CTNNA2: variants seen among roughly 807,000 people sequenced by gnomAD.
CTNNA2 encodes catenin alpha 2.
CTNNA2 carries 42 observed loss-of-function variants against 101.0 expected under a neutral mutation model. That is an observed-to-expected ratio of 0.42 (90% CI 0.32 to 0.54). CTNNA2 has a LOEUF of 0.54. Ranked by LOEUF, CTNNA2 falls within the 20% of genes least tolerant of loss-of-function variation. The pLI is 0.14. For missense variants in CTNNA2, 871 were observed against 1,223.1 expected, an observed-to-expected ratio of 0.71 and a Z score of 4.29; for synonymous variants, 450 against 456.4, an observed-to-expected ratio of 0.99 and a Z score of 0.18.
chr2:79,218,353 T>TGTGTGTGTGTA (rs1305328019), intron 2 of CTNNA2, among the ~76,000 whole-genome samples: 1 of 30,172 alleles, frequency 3.3e-5, no homozygotes. Context: ...GTGTGTGTAT[T>TGTGTGTGTGTA]TTTTTTTTTT....
intron 1 of CTNNA2, among the ~76,000 whole-genome samples, chr2:79,524,461 T>C (rs1672290349): frequency 6.6e-6 from 1 of 151,602 alleles, no homozygotes; most frequent in Non-Finnish European, 1.5e-5. Flanking sequence ...CAAAAAAACG[T>C]GCCCTTGTGT....
intron 14 of CTNNA2, among the ~76,000 whole-genome samples, chr2:80,584,529 C>T (rs1375955210): frequency 6.6e-6 from 1 of 151,862 alleles, no homozygotes; most frequent in East Asian, 1.9e-4. Context: ...TGATCCTAGA[C>T]ATGACATAAT....
At chr2:80,547,137 G>A (rs1488741746) in intron 11 of CTNNA2, among the ~76,000 whole-genome samples, 9 of 152,232 alleles carry the variant, frequency 5.9e-5, no homozygotes, top group East Asian at 1.9e-4. Context: ...TTTCTTTTCC[G>A]GAAGAAACAT....
In CTNNA2 at chr2:80,313,764, A is replaced by T. The variant is rs1372582401; in HGVS notation, c.1057-79447A>T. 5.0e-6 allele frequency: 4 copies of T among 796,306 alleles called. No homozygotes were observed. In the African/African-American group the frequency reaches 6.9e-5, roughly 14 times the overall value. 49.3% of individuals were successfully genotyped at this position (796,306 alleles called of 1,614,324 possible). ...TGTGAGTACAAGGAATATAATTCTG[A>T]TGACTCCCTTGAACATGAATGGAGG... On this transcript the variant is annotated intron_variant, in intron 7 of 18. Coordinates refer to ENST00000402739, the MANE Select transcript of CTNNA2 (RefSeq NM_001282597.3).
chr2:79,634,384 T>C (rs1679880456), intron 1 of CTNNA2, among the ~76,000 whole-genome samples: 1 of 152,224 alleles, frequency 6.6e-6, no homozygotes, highest in African/African-American at 2.4e-5. Context: ...TTTTGGAGAA[T>C]GATCCTGTAC....
chr2:80,407,566 G>A (rs1679180353), intron 8 of CTNNA2, among the ~76,000 whole-genome samples: 1 of 152,200 alleles, frequency 6.6e-6, no homozygotes, highest in African/African-American at 2.4e-5. Context: ...CAAAATCTAT[G>A]TTACCTGGCC....
chr2:79,544,884 C>T (rs1479922818), intron 1 of CTNNA2, among the ~76,000 whole-genome samples: 2 of 152,140 alleles, frequency 1.3e-5, no homozygotes, highest in African/African-American at 4.8e-5. Context: ...AATCTTAAAA[C>T]TCCATTCAAA....
chr2:80,167,469 G>T (rs1704777985), intron 7 of CTNNA2, among the ~76,000 whole-genome samples: 1 of 152,112 alleles, frequency 6.6e-6, no homozygotes, highest in African/African-American at 2.4e-5. Flanking sequence ...TAACAGTTAT[G>T]CAATCTTTGG....
chr2:79,293,305 T>G (rs1675877629), intron 2 of CTNNA2: 1 of 152,176 alleles, frequency 6.6e-6, no homozygotes, highest in African/African-American at 2.4e-5. Context: ...TCATTCAGGA[T>G]GAGAAATGTT....
intron 3 of CTNNA2, among the ~76,000 whole-genome samples, chr2:79,798,560 C>CTTTTTTTTTTTTTTTTTT (rs34542700): frequency 8.1e-6 from 1 of 123,796 alleles, no homozygotes. Flanking sequence ...TATAATAAGA[C>CTTTTTTTTTTTTTTTTTT]TTTTTTTTTT....
At chr2:79,962,047 G>A (rs1689675094) in intron 7 of CTNNA2, among the ~76,000 whole-genome samples, 1 of 152,214 alleles carries the variant, frequency 6.6e-6, no homozygotes, top group Non-Finnish European at 1.5e-5. Context: ...CTCTTCGTCT[G>A]TTACTGCCAT....
At chr2:79,878,020 T>C (rs1683155338) in intron 6 of CTNNA2, among the ~76,000 whole-genome samples, 1 of 152,128 alleles carries the variant, frequency 6.6e-6, no homozygotes, top group African/African-American at 2.4e-5. Context: ...CCTGTGTCCA[T>C]GTGTTCTCAT....
intron 4 of CTNNA2, among the ~76,000 whole-genome samples, chr2:79,501,087 G>A (rs1410539164): frequency 6.6e-6 from 1 of 152,042 alleles, no homozygotes; most frequent in East Asian, 1.9e-4. Flanking sequence ...AAACAATAAG[G>A]TACTCTCCTT....
At chr2:79,673,297 GTT>G (rs1194571716) in intron 2 of CTNNA2, among the ~76,000 whole-genome samples, 1 of 151,628 alleles carries the variant, frequency 6.6e-6, no homozygotes. Context: ...AAACTTTTAG[GTT>G]TTTCTGGGGG....
intron 18 of CTNNA2, among the ~76,000 whole-genome samples, chr2:80,627,303 C>T (rs540321828): frequency 6.6e-6 from 1 of 152,312 alleles, no homozygotes; most frequent in East Asian, 1.9e-4. Context: ...CTGTCTTCCA[C>T]AATGGTTGAA....
intron 9 of CTNNA2, among the ~76,000 whole-genome samples, chr2:80,453,555 G>A (rs1412093242): frequency 1.3e-5 from 2 of 151,926 alleles, no homozygotes; most frequent in East Asian, 1.9e-4. Flanking sequence ...TTAGCTCCAC[G>A]AAAGCTGTTA....
chr2:80,264,335 C>T (rs935030761), intron 7 of CTNNA2, among the ~76,000 whole-genome samples: 37 of 152,144 alleles, frequency 2.4e-4, no homozygotes, highest in African/African-American at 6.3e-4. Flanking sequence ...TTTCCATAAA[C>T]GAGCCCAAAA....
intron 7 of CTNNA2, among the ~76,000 whole-genome samples, chr2:80,082,806 C>T (rs1179208087): frequency 1.3e-5 from 2 of 152,070 alleles, no homozygotes; most frequent in Admixed American, 1.3e-4. Context: ...GGAGTTTCCA[C>T]TGTGTCACCT....
chr2:79,928,747 A>T (rs1687196721), intron 7 of CTNNA2, among the ~76,000 whole-genome samples: 1 of 152,142 alleles, frequency 6.6e-6, no homozygotes, highest in Non-Finnish European at 1.5e-5. Context: ...GATAGGGTCA[A>T]CGCCTCTTAG....
Sources: gnomAD v4.1 joint callset for allele counts (sites outside exome capture counted in the v4.1 genomes callset) on GRCh38, gnomAD v4.1.1 for gene constraint, MANE v1.5 for transcripts, NCBI Gene and HGNC (gene_info 2026-07-23, HGNC 2026-07-21) for gene names.